Variants in SYT3 observed in about 807,000 individuals in gnomAD.
The protein encoded by SYT3 is synaptotagmin-3.
SYT3 carries 25 observed loss-of-function variants against 50.6 expected under a neutral mutation model. That is an observed-to-expected ratio of 0.49 (90% CI 0.36 to 0.69). The LOEUF (loss-of-function observed/expected upper bound fraction) is 0.69. Ranked by LOEUF, SYT3 falls within the 30% of genes least tolerant of loss-of-function variation. SYT3 has a pLI of 0.00. For synonymous variants in SYT3, 323 were observed against 353.9 expected, an observed-to-expected ratio of 0.91 and a Z score of 0.98; for missense variants, 589 against 793.6, an observed-to-expected ratio of 0.74 and a Z score of 3.10.
chr19:50,640,883 C>A (rs1298011167), upstream of SYT3, among the ~76,000 whole-genome samples: 6 of 152,156 alleles, frequency 3.9e-5, no homozygotes, highest in Non-Finnish European at 8.8e-5. Flanking sequence ...GGCTCGGAGG[C>A]CCCCTCAGTG....
chr19:50,636,274 G>GACAA (rs1225533502), intron 3 of SYT3, among the ~76,000 whole-genome samples: 1 of 152,052 alleles, frequency 6.6e-6, no homozygotes, highest in Non-Finnish European at 1.5e-5. Flanking sequence ...CAAACAGACA[G>GACAA]ACAAACAAAA....
At chr19:50,629,210 T>G in intron 6 of SYT3, 84 bp downstream of exon 6, 1 of 1,092,268 alleles carries the variant, frequency 9.2e-7, no homozygotes, top group East Asian at 2.5e-5. Context: ...GTGAGGAAGT[T>G]ATGAACTCTG....
rs866835985 is a variant in SYT3, at chr19:50,634,368, G to T, written c.149-1557C>A. On this transcript the variant is annotated intron_variant, in intron 3 of 10. Transcript: ENST00000600079. ...ATTAGGGGACACACAGCAGGAAGGG[G>T]TTGCCTTCTGGTCCTGTACTGCTTA... is the stretch of plus-strand genomic sequence containing the variant. Among the ~76,000 whole-genome samples, 5 of 152,324 alleles carry T rather than the reference G, an allele frequency of 3.3e-5. No homozygotes were observed. The Middle Eastern group carries it at 0.01, about 311-fold the overall frequency.
At chr19:50,649,731 C>T in the SYT3 span, 1 of 663,656 alleles carries the variant, frequency 1.5e-6, no homozygotes, top group African/African-American at 1.8e-5. Flanking sequence ...ATGCCCTGGA[C>T]TCAGAACTAC....
In SYT3 at chr19:50,629,274, C is replaced by T; in HGVS notation, c.1281+20G>A. ...CTCAGGGCCCTGGGAAGGGGAAGGT[C>T]AGGGGAGAGGGCCACTGACCGAGCC... is the stretch of plus-strand genomic sequence containing the variant. On this transcript the variant is annotated intron_variant, in intron 6 of 10. Transcript: ENST00000600079. 1 of 1,575,284 alleles carries T rather than the reference C, an allele frequency of 6.3e-7. No individual in the cohort carries two copies. The highest frequency in any genetic ancestry group is 1.3e-5 in the African/African-American group (1 of 74,190).
upstream of SYT3, among the ~76,000 whole-genome samples, chr19:50,642,087 G>A (rs143514087): frequency 1.2e-3 from 183 of 152,204 alleles, 1 homozygote; most frequent in African/African-American, 3.9e-3. Flanking sequence ...CAGGTTTGCC[G>A]AGTCTCTTCC....
chr19:50,644,136 G>C (rs1484016445), upstream of SYT3, among the ~76,000 whole-genome samples: 1 of 152,242 alleles, frequency 6.6e-6, no homozygotes, highest in African/African-American at 2.4e-5. Flanking sequence ...CTGGCGCATG[G>C]TAGGCACTCA....
chr19:50,629,241 C>CCG, intron 6 of SYT3, 53 bp downstream of exon 6: 1 of 1,463,430 alleles, frequency 6.8e-7, no homozygotes, highest in African/African-American at 1.4e-5. Flanking sequence ...GCTTGCAACC[C>CCG]GGGGGGTCTC....
intron 4 of SYT3, among the ~76,000 whole-genome samples, chr19:50,631,848 C>A (rs1437927752): frequency 1.3e-5 from 2 of 152,006 alleles, no homozygotes; most frequent in Non-Finnish European, 1.5e-5. Flanking sequence ...CCCTCTCAGG[C>A]CTAGTTTATA....
At position 50,625,200 on chromosome 19, in the gene SYT3, G is replaced by A; in HGVS notation, c.1669C>T (p.Pro557Ser). The A allele has an allele frequency of 6.2e-7, 1 of 1,602,480 alleles. No individual in the cohort carries two copies. Among genetic ancestry groups the A allele is most frequent in the Non-Finnish European group, 8.5e-7 (1 of 1,177,958 alleles). Residue 557 changes from proline (P) to serine (S), a missense_variant, in exon 9 of 11, where the codon CCC becomes TCC. Physicochemically the swap from Pro to Ser is moderately conservative, Grantham distance 74 (BLOSUM62 -1). Coordinates refer to ENST00000600079, the MANE Select transcript of SYT3 (RefSeq NM_001160329.2). This position sits in a 1 kb window ranked among gnomAD's most constrained non-coding sequence, Gnocchi z 7.5. ...TGCCAGTGCTCCACGGGCTTGCGGG[G>A]ATTGGCCAGCATCTCTGCCCAGTGC... Reference protein sequence around the residue: ...REHWAEMLANPRKPVEHWHQL... With the variant: ...REHWAEMLANSRKPVEHWHQL...
At chr19:50,644,298 GGCT>G (rs1246052969), upstream of SYT3, among the ~76,000 whole-genome samples, 1 of 152,166 alleles carries the variant, frequency 6.6e-6, no homozygotes, top group African/African-American at 2.4e-5. Flanking sequence ...ATGAGTGAAT[GGCT>G]GGATGGATAA....
chr19:50,632,486 C>T lies in SYT3; in HGVS notation c.474G>A (p.Glu158=). 6.2e-7 allele frequency: 1 copy of T among 1,612,946 alleles called. No homozygotes were observed. The highest frequency in any genetic ancestry group is 8.5e-7 in the Non-Finnish European group (1 of 1,179,742). The change falls in exon 4 of 11, where the codon GAG becomes GAA. Residue 158 remains glutamate, a synonymous_variant. Transcript: ENST00000600079. The surrounding 1 kb of genome is among the most constrained non-coding windows in gnomAD (Gnocchi z 4.7). ...ACGAGTCCATGTCCAAGTAGGAGGG[C>T]TCAGGGGTGTCAGAACCCCCCAGGC... The part of the protein sequence containing the change: ...PGSLGGSDTP[E]PSYLDMDSYP...
the SYT3 span, chr19:50,656,458 C>A: frequency 7.3e-7 from 1 of 1,378,362 alleles, no homozygotes; most frequent in Non-Finnish European, 9.6e-7. Flanking sequence ...GGCTTATAAG[C>A]TGTGGGCTTG....
intron 9 of SYT3, among the ~76,000 whole-genome samples, chr19:50,624,599 C>T (rs559832393): frequency 2.7e-4 from 40 of 147,426 alleles, no homozygotes; most frequent in Non-Finnish European, 4.9e-4. Context: ...GTCGCCCAGG[C>T]TGGAGTGCAA....
chr19:50,627,142 CT>C (rs1984101290), intron 6 of SYT3, among the ~76,000 whole-genome samples: 1 of 152,210 alleles, frequency 6.6e-6, no homozygotes, highest in African/African-American at 2.4e-5. Context: ...CCAACCTGGC[CT>C]AGCCCTGCGG....
At chr19:50,657,436 T>C in the SYT3 span, among the ~76,000 whole-genome samples, 1 of 152,256 alleles carries the variant, frequency 6.6e-6, no homozygotes, top group Non-Finnish European at 1.5e-5. Context: ...ATGACAACTG[T>C]TATCACCCTT....
the SYT3 span, among the ~76,000 whole-genome samples, chr19:50,657,582 A>T: frequency 6.6e-6 from 1 of 150,650 alleles, no homozygotes; most frequent in East Asian, 1.9e-4. Context: ...GCTAATACGA[A>T]TATAAAAGGA....
chr19:50,630,179 G>C lies in SYT3; in HGVS notation c.675-8C>G. ...CGGGGCAGGGCTGGGTACCTGTAGG[G>C]GGTTGGGGGGAGACCAAGGTGAGGT... On this transcript the variant is annotated splice_region_variant and splice_polypyrimidine_tract_variant and intron_variant, in intron 4 of 10. Transcript: ENST00000600079. The C allele has an allele frequency of 6.6e-7, 1 of 1,515,018 alleles. No homozygotes were observed. The highest frequency in any genetic ancestry group is 8.8e-7 in the Non-Finnish European group (1 of 1,132,792). 93.8% of individuals were successfully genotyped at this position (1,515,018 alleles called of 1,614,324 possible).
At chr19:50,633,872 G>A (rs1326723602) in intron 3 of SYT3, among the ~76,000 whole-genome samples, 1 of 152,240 alleles carries the variant, frequency 6.6e-6, no homozygotes, top group Non-Finnish European at 1.5e-5. Context: ...ATAGCTGGTA[G>A]GTGGTAGAGT....
Sources: allele counts gnomAD v4.1 joint callset (sites outside exome capture counted in the v4.1 genomes callset), GRCh38; gene constraint gnomAD v4.1.1; non-coding constraint Gnocchi (gnomAD v3.1); transcripts MANE v1.5; gene names NCBI Gene and HGNC (gene_info 2026-07-23, HGNC 2026-07-21).